DNAJC16: variants seen among roughly 807,000 people sequenced by gnomAD.
DNAJC16 encodes DnaJ heat shock protein family (Hsp40) member C16, also known as dnaJ homolog subfamily C member 16.
In DNAJC16, 76 loss-of-function variants were observed where a neutral mutation model predicts 92.7. The ratio of observed to expected loss-of-function variants is 0.82; its 90% CI spans 0.68 to 0.99. The LOEUF (loss-of-function observed/expected upper bound fraction) is 0.99, where lower values mean the gene tolerates loss of function less well. Among genes scored for constraint, DNAJC16 ranks in the 50% least tolerant of loss-of-function variants. The pLI, the probability that DNAJC16 is intolerant of heterozygous loss-of-function variation, is 0.00. For synonymous variants in DNAJC16, 328 were observed against 358.7 expected, an observed-to-expected ratio of 0.91 and a Z score of 0.97; for missense variants, 869 against 942.4, an observed-to-expected ratio of 0.92 and a Z score of 1.02.
chr1:15,559,851 G>T (rs969752906), intron 8 of DNAJC16, among the ~76,000 whole-genome samples, 195 bp downstream of exon 8: 5 of 151,282 alleles, frequency 3.3e-5, no homozygotes, highest in Admixed American at 2.0e-4. Context: ...ATCATCTGAG[G>T]TCCGGAGTTC....
intron 4 of DNAJC16, among the ~76,000 whole-genome samples, chr1:15,540,844 T>C (rs1417423352): frequency 6.6e-6 from 1 of 152,170 alleles, no homozygotes; most frequent in Non-Finnish European, 1.5e-5. Flanking sequence ...AGTTCATAAA[T>C]TGGCATTCAA....
rs746612718 is a variant in DNAJC16, at chr1:15,569,056, G to T, written c.*879G>T. 1 of 194,622 alleles carries T rather than the reference G, an allele frequency of 5.1e-6. No individual in the cohort carries two copies. The highest frequency in any genetic ancestry group is 2.3e-5 in the African/African-American group (1 of 43,222). The allele number at this position is 194,622 out of a possible 1,614,324, so 12.1% of individuals were successfully genotyped here. On this transcript the variant is annotated 3_prime_UTR_variant, in exon 15 of 15. Coordinates refer to ENST00000375847, the MANE Select transcript of DNAJC16 (RefSeq NM_015291.4). ...TAACTTGTAATCTTGTTCTCTGAACGTAGAGATAAGCTGCTATAAAGCCAG... is the reference window on the plus strand; with the variant it reads ...TAACTTGTAATCTTGTTCTCTGAACTTAGAGATAAGCTGCTATAAAGCCAG...
At chr1:15,561,133 C>T (rs2103424960) in intron 8 of DNAJC16, among the ~76,000 whole-genome samples, 1 of 150,336 alleles carries the variant, frequency 6.7e-6, no homozygotes, top group African/African-American at 2.4e-5. Flanking sequence ...TAATATATAG[C>T]ACTTGTTGAT....
At chr1:15,562,462 CTT>C (rs930715010) in intron 9 of DNAJC16, 137 bp downstream of exon 9, 6 of 953,360 alleles carry the variant, frequency 6.3e-6, no homozygotes, top group Non-Finnish European at 7.3e-6. Flanking sequence ...AAAGTCTACT[CTT>C]TTGTTTTTCC....
intron 2 of DNAJC16, among the ~76,000 whole-genome samples, chr1:15,533,644 CA>C (rs958383487): frequency 1.7e-4 from 26 of 150,888 alleles, no homozygotes; most frequent in Non-Finnish European, 3.7e-4. Flanking sequence ...AACAAAAAAA[CA>C]AAAAAAACAG....
chr1:15,532,742 A>G (rs1194757567), intron 2 of DNAJC16, among the ~76,000 whole-genome samples: 4 of 151,414 alleles, frequency 2.6e-5, no homozygotes. Context: ...TGGAGTCTCC[A>G]TCTCGTTTCC....
intron 2 of DNAJC16, among the ~76,000 whole-genome samples, 176 bp downstream of exon 2, chr1:15,529,448 A>G (rs1048358139): frequency 6.6e-6 from 1 of 152,192 alleles, no homozygotes; most frequent in African/African-American, 2.4e-5. Flanking sequence ...TAGCGATAAG[A>G]TCCAAAGCCT....
rs1710968180 is a variant in DNAJC16 at position 15,543,007 on chromosome 1, T to C, written c.575-1392T>C. 3.3e-5 allele frequency among the ~76,000 whole-genome samples: 5 copies of C among 152,204 alleles called. No individual in the cohort carries two copies. In the South Asian group the frequency reaches 1.0e-3, roughly 31 times the overall value. On this transcript the variant is annotated intron_variant, in intron 4 of 14. Transcript: ENST00000375847. Reference sequence around the variant, plus strand: ...AGGTTGGTTTTTCCTCTCTCACAACTTCAGTGTGCAACAATAAATGAATTA... The same window carrying C: ...AGGTTGGTTTTTCCTCTCTCACAACCTCAGTGTGCAACAATAAATGAATTA...
rs995229545 is a variant in DNAJC16 at position 15,571,183 on chromosome 1, C to G, written c.*3006C>G. On this transcript the variant is annotated 3_prime_UTR_variant, in exon 15 of 15. Transcript: ENST00000375847. ...GCCATGAGAATTTGGTTGTAGTTTT[C>G]AGGTAGGTTGGTTTCTTCCTCATTT... is the stretch of plus-strand genomic sequence containing the variant. 13 of 152,174 alleles carry G rather than the reference C, an allele frequency of 8.5e-5. No homozygotes were observed. Among genetic ancestry groups the G allele is most frequent in the African/African-American group, 2.9e-4 (12 of 41,446 alleles). 9.4% of individuals were successfully genotyped at this position (152,174 alleles called of 1,614,324 possible).
chr1:15,565,894 T>G, intron 11 of DNAJC16, 25 bp from the exon 12 acceptor site: 1 of 1,605,638 alleles, frequency 6.2e-7, no homozygotes, highest in Non-Finnish European at 8.5e-7. Flanking sequence ...TAACTTGAGC[T>G]AATAGTTTGT....
Position 15,564,405 on chromosome 1 carries a change from A to T in DNAJC16, c.1598+46A>T, listed in dbSNP as rs766232973. Reference sequence around the variant, plus strand: ...AATTTCTTTTTCTCTGTTAATACTGATATCACTGTTTTTCTTTTGAAAAGA... The same window carrying T: ...AATTTCTTTTTCTCTGTTAATACTGTTATCACTGTTTTTCTTTTGAAAAGA... On this transcript the variant is annotated intron_variant, in intron 11 of 14. Transcript: ENST00000375847. 14 of 1,181,054 alleles carry T rather than the reference A, an allele frequency of 1.2e-5. No homozygotes were observed. In the Admixed American group the frequency reaches 2.2e-4, roughly 19 times the overall value. 73.2% of individuals were successfully genotyped at this position (1,181,054 alleles called of 1,614,324 possible). A position where few individuals can be genotyped will look rare whatever the true frequency, so the allele number is the denominator to read the frequency against.
intron 4 of DNAJC16, among the ~76,000 whole-genome samples, chr1:15,539,724 G>A (rs72643701): frequency 0.29 from 43,844 of 151,304 alleles, 7,466 homozygotes; most frequent in African/African-American, 0.47. Context: ...ATATCTTTTC[G>A]GGAAGAAAAA....
rs185955614 is a variant in DNAJC16 at position 15,558,946 on chromosome 1, T to G, written c.1024-580T>G. Among the ~76,000 whole-genome samples, 536 of 152,314 alleles carry G rather than the reference T, an allele frequency of 3.5e-3. 4 individuals are homozygous for G. The highest frequency in any genetic ancestry group is 9.3e-3 in the African/African-American group (388 of 41,576). On this transcript the variant is annotated intron_variant, in intron 7 of 14. Coordinates refer to ENST00000375847, the MANE Select transcript of DNAJC16 (RefSeq NM_015291.4). ...TTTTGTTTTGTTTTGTGTTTGGTTT[T>G]GTTTTGTTTTTGAGATGGAGTCTCG...
At chr1:15,546,910 C>CTTT in intron 6 of DNAJC16, 39 bp downstream of exon 6, 2 of 1,034,736 alleles carry the variant, frequency 1.9e-6, no homozygotes, top group Admixed American at 3.6e-5. Flanking sequence ...TTTTTCTTTT[C>CTTT]TTTTCTTTTT....
chr1:15,530,807 C>G (rs12564508), intron 2 of DNAJC16, among the ~76,000 whole-genome samples: 1 of 151,930 alleles, frequency 6.6e-6, no homozygotes, highest in African/African-American at 2.4e-5. Context: ...CCTGACTCAG[C>G]CTCCCAAGTA....
Position 15,568,156 on chromosome 1 carries a change from A to C in DNAJC16, c.2328A>C (p.Pro776=). 6.2e-7 allele frequency: 1 copy of C among 1,612,660 alleles called. No homozygotes were observed. Among genetic ancestry groups the C allele is most frequent in the Non-Finnish European group, 8.5e-7 (1 of 1,179,244 alleles). ...LEGSLQRFYI[P]SWPELD The stretch of plus-strand genomic sequence containing the variant: ...GCTCCTTACAGAGGTTTTATATCCC[A>C]TCATGGCCTGAACTAGACTGAGAGG... Residue 776 remains proline, a synonymous_variant, in exon 15 of 15, where the codon CCA becomes CCC. Coordinates refer to ENST00000375847, the MANE Select transcript of DNAJC16 (RefSeq NM_015291.4).
At chr1:15,535,219 G>C (rs1049571528) in intron 3 of DNAJC16, among the ~76,000 whole-genome samples, 2 of 152,226 alleles carry the variant, frequency 1.3e-5, no homozygotes, top group Non-Finnish European at 2.9e-5. Flanking sequence ...ATCTTGGTTT[G>C]AATTGGTCCA....
chr1:15,537,331 A>G (rs1156767909), intron 4 of DNAJC16, among the ~76,000 whole-genome samples: 1 of 152,168 alleles, frequency 6.6e-6, no homozygotes, highest in Non-Finnish European at 1.5e-5. Context: ...ACTGGTAAAA[A>G]CTAGTGTGTA....
At chr1:15,556,443 G>A (rs1325257116) in intron 7 of DNAJC16, among the ~76,000 whole-genome samples, 1 of 152,148 alleles carries the variant, frequency 6.6e-6, no homozygotes, top group Non-Finnish European at 1.5e-5. Context: ...TCGCCATGTT[G>A]GCCAGGCTGG....
Sources: gnomAD v4.1 joint callset for allele counts (sites outside exome capture counted in the v4.1 genomes callset) on GRCh38, gnomAD v4.1.1 for gene constraint, MANE v1.5 for transcripts, NCBI Gene and HGNC (gene_info 2026-07-23, HGNC 2026-07-21) for gene names.